OR3A2: variants seen among roughly 807,000 people sequenced by gnomAD.
OR3A2 encodes olfactory receptor family 3 subfamily A member 2, also known as olfactory receptor 3A2.
For synonymous variants in OR3A2, 126 were observed against 159.3 expected, an observed-to-expected ratio of 0.79 and a Z score of 1.57; for missense variants, 318 against 392.8, an observed-to-expected ratio of 0.81 and a Z score of 1.61.
intron 3 of OR3A2, among the ~76,000 whole-genome samples, chr17:3,334,307 C>G (rs1192328519): frequency 1.3e-5 from 2 of 152,134 alleles, no homozygotes; most frequent in African/African-American, 4.8e-5. Context: ...TGCCTTCCAC[C>G]TACCATTCCT....
At chr17:3,346,197 TA>T (rs1199624377) in intron 2 of OR3A2, among the ~76,000 whole-genome samples, 1 of 152,224 alleles carries the variant, frequency 6.6e-6, no homozygotes, top group Non-Finnish European at 1.5e-5. Context: ...CAGGACTTCT[TA>T]CTTTTTAAGG....
chr17:3,283,100 C>G (rs1259195428), intron 1 of OR3A2, among the ~76,000 whole-genome samples: 1 of 152,150 alleles, frequency 6.6e-6, no homozygotes, highest in Non-Finnish European at 1.5e-5. Context: ...TGACTGTTTA[C>G]ATTTTGGGTG....
At position 3,353,572 on chromosome 17, in the gene OR3A2, T is replaced by C. The variant is rs548951708; in HGVS notation, c.-178-17446A>G. Among the ~76,000 whole-genome samples the C allele has an allele frequency of 3.9e-5, 6 of 152,040 alleles. No homozygotes were observed. The South Asian group carries it at 6.2e-4, about 16-fold the overall frequency. ...TCCAGGTTTTTGAGGGTTTTTATCA[T>C]AAAGGGATGTTGGATTTTATCAAAT... On this transcript the variant is annotated intron_variant, in intron 2 of 4. Transcript: ENST00000573491.
chr17:3,374,626 C>G (rs1184307595), intron 2 of OR3A2, among the ~76,000 whole-genome samples: 1 of 152,138 alleles, frequency 6.6e-6, no homozygotes, highest in Non-Finnish European at 1.5e-5. Context: ...TCTTTCATTT[C>G]CAGAAATTGT....
chr17:3,376,679 G>A (rs1417484767), intron 2 of OR3A2, among the ~76,000 whole-genome samples: 4 of 152,270 alleles, frequency 2.6e-5, no homozygotes, highest in African/African-American at 9.6e-5. Context: ...CAGCAGGGCT[G>A]AGATCTTCCC....
chr17:3,283,018 T>C (rs2048786720), intron 1 of OR3A2, among the ~76,000 whole-genome samples: 1 of 151,868 alleles, frequency 6.6e-6, no homozygotes, highest in African/African-American at 2.4e-5. Flanking sequence ...TGCTCTCCTC[T>C]TCTGTCTCTT....
rs191006848 is a variant in OR3A2, at chr17:3,342,347, C to T, written c.-178-6221G>A. 1.7e-3 allele frequency among the ~76,000 whole-genome samples: 265 copies of T among 152,296 alleles called. 1 individual carries two copies. Among genetic ancestry groups the T allele is most frequent in the African/African-American group, 5.8e-3 (240 of 41,568 alleles). On this transcript the variant is annotated intron_variant, in intron 2 of 4. Coordinates refer to the OR3A2 transcript ENST00000573491. ...GCAATCCTTTGGAGGAGAAGAGGAG[C>T]TCTGGTTTTTAGAATTTTCAGCTTT... is the stretch of plus-strand genomic sequence containing the variant.
chr17:3,289,143 A>C (rs2048841468), upstream of OR3A2, among the ~76,000 whole-genome samples: 1 of 152,158 alleles, frequency 6.6e-6, no homozygotes, highest in Non-Finnish European at 1.5e-5. Context: ...GGAAAGCTAA[A>C]CATGAAACTA....
intron 2 of OR3A2, among the ~76,000 whole-genome samples, chr17:3,343,038 T>C (rs2049333113): frequency 6.6e-6 from 1 of 152,166 alleles, no homozygotes; most frequent in African/African-American, 2.4e-5. Flanking sequence ...TGAGCAAGGC[T>C]CCGTGGGCAT....
Position 3,278,168 on chromosome 17 carries a change from C to T in OR3A2, c.750G>A (p.Val250=), listed in dbSNP as rs1313337302. 5 of 1,614,182 alleles carry T rather than the reference C, an allele frequency of 3.1e-6. No homozygotes were observed. The South Asian group carries it at 3.3e-5, about 11-fold the overall frequency. Residue 250 remains valine, a synonymous_variant, in exon 2 of 2, where the codon GTG becomes GTA. Transcript: ENST00000642052. ...TACCTCTTCCAAAGAAAAGACAAAC[C>T]ACGGTGAGGTGGGAGCCACACGTGG...
In OR3A2 at chr17:3,327,672, C is replaced by T. The variant is rs201195040; in HGVS notation, c.-85+8361G>A. ...ATGGTAATGCCTAGGTTTTCTTCTA[C>T]GGTTTTTATGGTTTTAGGTCTAACG... On this transcript the variant is annotated intron_variant, in intron 3 of 4. Coordinates refer to the OR3A2 transcript ENST00000573491. Among the ~76,000 whole-genome samples, 330 of 101,284 alleles carry T rather than the reference C, an allele frequency of 3.3e-3. 6 individuals are homozygous for T. The highest frequency in any genetic ancestry group is 4.6e-3 in the Non-Finnish European group (249 of 54,224). The allele number at this position is 101,284 out of a possible 152,430, so 66.4% of individuals were successfully genotyped here. A position where few individuals can be genotyped will look rare whatever the true frequency, so the allele number is the denominator to read the frequency against.
chr17:3,301,351 C>A (rs1376803382), intron 3 of OR3A2, among the ~76,000 whole-genome samples: 1 of 152,088 alleles, frequency 6.6e-6, no homozygotes, highest in Non-Finnish European at 1.5e-5. Context: ...TCTCCAGCAC[C>A]TGTTGTTTCC....
chr17:3,347,095 C>A (rs919501920), intron 2 of OR3A2, among the ~76,000 whole-genome samples: 11 of 152,090 alleles, frequency 7.2e-5, no homozygotes, highest in Admixed American at 1.3e-4. Flanking sequence ...TCTATTTCTA[C>A]TTTATTGAGG....
At chr17:3,323,081 T>G (rs994517325) in intron 3 of OR3A2, among the ~76,000 whole-genome samples, 1 of 152,184 alleles carries the variant, frequency 6.6e-6, no homozygotes, top group Non-Finnish European at 1.5e-5. Flanking sequence ...ATATTTAGGA[T>G]AGTTAGCTCT....
chr17:3,358,855 ATCTG>A (rs1257118822), intron 2 of OR3A2, among the ~76,000 whole-genome samples: 1 of 151,636 alleles, frequency 6.6e-6, no homozygotes, highest in African/African-American at 2.4e-5. Context: ...TGCCTTGATG[ATCTG>A]TCTAATACTG....
At chr17:3,304,116 T>C (rs139326334) in intron 3 of OR3A2, among the ~76,000 whole-genome samples, 1 of 151,918 alleles carries the variant, frequency 6.6e-6, no homozygotes, top group East Asian at 1.9e-4. Context: ...GACAACACTC[T>C]TTGTAGGACT....
At chr17:3,286,487 C>G (rs1364141836), upstream of OR3A2, among the ~76,000 whole-genome samples, 1 of 152,166 alleles carries the variant, frequency 6.6e-6, no homozygotes, top group Non-Finnish European at 1.5e-5. Context: ...TGAGGAATCG[C>G]CACACTGTCT....
At chr17:3,310,372 C>A (rs745771695) in intron 3 of OR3A2, 2 of 534,904 alleles carry the variant, frequency 3.7e-6, no homozygotes, top group South Asian at 2.8e-5. Flanking sequence ...CTGGGCCTCA[C>A]AGAGACTGCA....
intron 3 of OR3A2, among the ~76,000 whole-genome samples, chr17:3,323,616 AAGCTTAGTTTGGCTGG>A (rs1353138875): frequency 2.0e-4 from 31 of 152,032 alleles, no homozygotes; most frequent in Admixed American, 2.0e-3. Context: ...TTCACTTATG[AAGCTTAGTTTGGCTGG>A]ATATGAAATT....
Sources: gnomAD v4.1 joint callset for allele counts (sites outside exome capture counted in the v4.1 genomes callset) on GRCh38, gnomAD v4.1.1 for gene constraint, MANE v1.5 for transcripts, NCBI Gene and HGNC (gene_info 2026-07-23, HGNC 2026-07-21) for gene names.